Variants in ABCA13 observed in about 807,000 individuals in gnomAD.
The protein encoded by ABCA13 is ATP binding cassette subfamily A member 13.
ABCA13 carries 476 observed loss-of-function variants against 478.7 expected under a neutral mutation model. That is an observed-to-expected ratio of 0.99 (90% confidence interval 0.92 to 1.07). The LOEUF (loss-of-function observed/expected upper bound fraction) is 1.07. ABCA13 is among the 50% of genes least tolerant of loss of function. The pLI is 0.00. For synonymous variants in ABCA13, 2,252 were observed against 2,158.9 expected (o/e 1.04, Z -1.20); for missense variants, 6,060 against 5,910.6 (o/e 1.03, Z -0.83).
intron 43 of ABCA13, among the ~76,000 whole-genome samples, chr7:48,455,644 T>C (rs1023297842): frequency 3.9e-5 from 6 of 152,218 alleles, no homozygotes; most frequent in Admixed American, 6.5e-5. Context: ...ATTTGTAGGA[T>C]TCTAGAACGT....
At chr7:48,245,134 G>T (rs946382682) in intron 11 of ABCA13, among the ~76,000 whole-genome samples, 1 of 152,104 alleles carries the variant, frequency 6.6e-6, no homozygotes, top group South Asian at 2.1e-4. Context: ...GTTCCCCCTG[G>T]GTTTGCAGAA....
chr7:48,223,953 G>A (rs1271338380), intron 5 of ABCA13, among the ~76,000 whole-genome samples: 3 of 133,078 alleles, frequency 2.3e-5, no homozygotes, highest in South Asian at 2.4e-4. Flanking sequence ...AGCAAGACTC[G>A]GTCTCAAAAA....
intron 24 of ABCA13, among the ~76,000 whole-genome samples, chr7:48,312,421 G>A (rs1801912804): frequency 6.6e-6 from 1 of 151,422 alleles, no homozygotes; most frequent in African/African-American, 2.4e-5. Context: ...GAAAAGCCTT[G>A]CCTCCAGTGT....
intron 55 of ABCA13, among the ~76,000 whole-genome samples, chr7:48,561,355 T>C (rs1334968395): frequency 1.3e-5 from 2 of 152,134 alleles, no homozygotes; most frequent in Non-Finnish European, 2.9e-5. Context: ...TAATACACTT[T>C]CCTATCAATA....
chr7:48,510,608 CG>C (rs1443401730), intron 50 of ABCA13, among the ~76,000 whole-genome samples: 6 of 152,250 alleles, frequency 3.9e-5, no homozygotes, highest in Non-Finnish European at 7.4e-5. Context: ...AGCTTCACCC[CG>C]GAAACTTGAT....
In ABCA13 at chr7:48,234,124, C is replaced by T. The variant is rs755419260; in HGVS notation, c.870C>T (p.Ile290=). The T allele has an allele frequency of 5.0e-6, 8 of 1,613,846 alleles. No individual in the cohort carries two copies. Among genetic ancestry groups the T allele is most frequent in the Non-Finnish European group, 6.8e-6 (8 of 1,179,874 alleles). ...FGFDDLHTEQ[I]LNSSAELKEI... is the part of the protein sequence containing the mutation. ...TTGATGATCTTCACACGGAACAGAT[C>T]CTGAACTCTTCAGCTGAACTGAAGG... Residue 290 remains isoleucine, a synonymous_variant, in exon 8 of 62, where the codon ATC becomes ATT. Transcript: ENST00000435803.
At chr7:48,293,999 A>T (rs1798966041) in intron 20 of ABCA13, among the ~76,000 whole-genome samples, 1 of 152,202 alleles carries the variant, frequency 6.6e-6, no homozygotes, top group African/African-American at 2.4e-5. Context: ...CACCTCACAT[A>T]GGAATAGCCA....
intron 19 of ABCA13, among the ~76,000 whole-genome samples, chr7:48,286,281 T>TCA (rs1346469691): frequency 6.6e-6 from 1 of 152,130 alleles, no homozygotes; most frequent in African/African-American, 2.4e-5. Context: ...TGTTACAGTA[T>TCA]CACACACAGG....
chr7:48,442,991 A>G (rs998014626), intron 42 of ABCA13, among the ~76,000 whole-genome samples: 8 of 152,216 alleles, frequency 5.3e-5, no homozygotes, highest in Admixed American at 1.3e-4. Context: ...AAAAAAGGCA[A>G]TGAGGACTAA....
intron 45 of ABCA13, among the ~76,000 whole-genome samples, chr7:48,478,647 G>A (rs1828412519): frequency 6.6e-6 from 1 of 152,144 alleles, no homozygotes; most frequent in Non-Finnish European, 1.5e-5. Flanking sequence ...GATTGCAATA[G>A]AGAATAAATG....
rs1796180279 is a variant in ABCA13, at chr7:48,275,491, T to C, written c.5825T>C (p.Leu1942Pro). The C allele has an allele frequency of 9.9e-6, 16 of 1,613,790 alleles. No homozygotes were observed. Among genetic ancestry groups the C allele is most frequent in the African/African-American group, 1.3e-5 (1 of 74,940 alleles). Residue 1942 changes from leucine to proline, a missense_variant, in exon 17 of 62, where the codon CTC becomes CCC. Transcript: ENST00000435803. Reference sequence around the variant, plus strand: ...CAAACTAGGGATAGCATCTCTGAACTCTGTCCTAGTGGTTCCATAAAGCAA... The same window carrying C: ...CAAACTAGGGATAGCATCTCTGAACCCTGTCCTAGTGGTTCCATAAAGCAA... ...INQTRDSISE[L>P]CPSGSIKQVA...
In ABCA13 at chr7:48,272,433, A is replaced by G. The variant is rs922856950; in HGVS notation, c.2767A>G (p.Ile923Val). ...ISEALNTVYA[I>V]RNASDLFSAL... ...AGAAGCTCTGAACACAGTCTACGCTATCAGGAATGCATCTGATCTTTTCTC... is the reference window on the plus strand; with the variant it reads ...AGAAGCTCTGAACACAGTCTACGCTGTCAGGAATGCATCTGATCTTTTCTC... The change falls in exon 17 of 62, where the codon ATC (isoleucine) becomes GTC (valine). Residue 923 changes from isoleucine (I) to valine (V), a missense_variant. Physicochemically the swap from Ile to Val is conservative, Grantham distance 29. Coordinates refer to ENST00000435803, the MANE Select transcript of ABCA13 (RefSeq NM_152701.5). The G allele has an allele frequency of 6.2e-6, 10 of 1,613,702 alleles. No homozygotes were observed. The African/African-American group carries it at 1.3e-4, about 22-fold the overall frequency.
At chr7:48,239,113 A>G (rs1200163338) in intron 8 of ABCA13, 128 bp from the exon 9 acceptor site, 2 of 948,602 alleles carry the variant, frequency 2.1e-6, no homozygotes. Flanking sequence ...CATAGATATC[A>G]TCACTTACTT....
intron 33 of ABCA13, among the ~76,000 whole-genome samples, chr7:48,373,438 C>A (rs1195638798): frequency 6.6e-6 from 1 of 152,180 alleles, no homozygotes; most frequent in Non-Finnish European, 1.5e-5. Context: ...GTAAACGATT[C>A]AAAGCTGTCT....
Position 48,374,286 on chromosome 7 carries a change from A to T in ABCA13, c.11134-61A>T, listed in dbSNP as rs972458571. On this transcript the variant is annotated intron_variant, in intron 33 of 61. Coordinates refer to ENST00000435803, the MANE Select transcript of ABCA13 (RefSeq NM_152701.5). Reference sequence around the variant, plus strand: ...TCGCTCCTTGAATTAAGTGTTGTGGATTTTCTGTGGTCCCAATCAAAACAC... The same window carrying T: ...TCGCTCCTTGAATTAAGTGTTGTGGTTTTTCTGTGGTCCCAATCAAAACAC... 2.7e-6 allele frequency: 4 copies of T among 1,486,148 alleles called. No individual in the cohort carries two copies. In the African/African-American group the frequency reaches 4.2e-5, roughly 16 times the overall value. The allele number at this position is 1,486,148 out of a possible 1,614,324, so 92.1% of individuals were successfully genotyped here. A position where few individuals can be genotyped will look rare whatever the true frequency, so the allele number is the denominator to read the frequency against.
At chr7:48,426,411 G>A (rs577805510) in intron 41 of ABCA13, among the ~76,000 whole-genome samples, 2 of 152,164 alleles carry the variant, frequency 1.3e-5, no homozygotes, top group African/African-American at 2.4e-5. Flanking sequence ...GTGGTTAGGG[G>A]CTCCTCAGGA....
At chr7:48,293,192 G>GCCCCA (rs1554419599) in intron 20 of ABCA13, among the ~76,000 whole-genome samples, 3,418 of 108,092 alleles carry the variant, frequency 0.032, 184 homozygotes, top group African/African-American at 0.099. Flanking sequence ...GAAGTCTTCA[G>GCCCCA]CCCCCCCCCC....
intron 58 of ABCA13, among the ~76,000 whole-genome samples, chr7:48,608,240 A>G (rs573759247): frequency 6.6e-6 from 1 of 152,346 alleles, no homozygotes; most frequent in African/African-American, 2.4e-5. Context: ...GCTAGTTGCT[A>G]GTGAGTGACT....
intron 20 of ABCA13, among the ~76,000 whole-genome samples, chr7:48,294,499 T>G (rs1423210800): frequency 1.4e-5 from 2 of 148,070 alleles, no homozygotes; most frequent in Non-Finnish European, 3.0e-5. Flanking sequence ...GACTGCGGAC[T>G]GCAGTGGCGC....
Sources: allele counts gnomAD v4.1 joint callset (sites outside exome capture counted in the v4.1 genomes callset), GRCh38; gene constraint gnomAD v4.1.1; transcripts MANE v1.5; gene names NCBI Gene and HGNC (gene_info 2026-07-23, HGNC 2026-07-21).